The following DOK6 variants were observed in gnomAD, a reference collection of about 807,000 sequenced individuals.
DOK6 encodes the protein downstream of tyrosine kinase 6.
A neutral mutation model predicts 44.0 loss-of-function variants in DOK6; 22 were observed. The observed-to-expected ratio is 0.50, with a 90% CI of 0.36 to 0.71. The LOEUF is 0.71. Among genes scored for constraint, DOK6 ranks in the 30% least tolerant of loss-of-function variants. The pLI is 0.00. For missense variants in DOK6, 340 were observed against 416.4 expected (o/e 0.82, Z 1.60); for synonymous variants, 166 against 145.5 (o/e 1.14, Z -1.01).
At chr18:69,593,537 C>T (rs990656349) in intron 2 of DOK6, among the ~76,000 whole-genome samples, 2 of 152,236 alleles carry the variant, frequency 1.3e-5, no homozygotes, top group Admixed American at 6.5e-5. Flanking sequence ...ACTACTGTAA[C>T]AATGTGGGCT....
rs76711585 is a variant in DOK6, at chr18:69,629,127, G to A, written c.289+29629G>A. Among the ~76,000 whole-genome samples the A allele has an allele frequency of 2.1e-4, 32 of 152,304 alleles. No individual in the cohort carries two copies. The East Asian group carries it at 3.9e-3, about 18-fold the overall frequency. ...GGGGGTTTGCCAGTTTGAGGATCAC[G>A]GTTGCTGCCAAATTAACCTGGCAGC... is the stretch of plus-strand genomic sequence containing the variant. On this transcript the variant is annotated intron_variant, in intron 3 of 7. Coordinates refer to ENST00000382713, the MANE Select transcript of DOK6 (RefSeq NM_152721.6).
chr18:69,535,426 A>G (rs1353196340), intron 1 of DOK6, among the ~76,000 whole-genome samples: 1 of 151,954 alleles, frequency 6.6e-6, no homozygotes, highest in Non-Finnish European at 1.5e-5. Context: ...AATAATTTTC[A>G]AGGGATTCAC....
chr18:69,521,396 G>GT (rs1359215815), intron 1 of DOK6, among the ~76,000 whole-genome samples: 1 of 150,322 alleles, frequency 6.7e-6, no homozygotes. Flanking sequence ...TAACCAAAGT[G>GT]TTTTTTTAGG....
chr18:69,435,991 A>G (rs1027383046), intron 1 of DOK6, among the ~76,000 whole-genome samples: 1 of 151,916 alleles, frequency 6.6e-6, no homozygotes, highest in Non-Finnish European at 1.5e-5. Context: ...TTTTCTTTCT[A>G]ATTTTTGTGT....
At chr18:69,838,237 T>TAAAAAAAAAAAA (rs541410720) in intron 7 of DOK6, among the ~76,000 whole-genome samples, 1 of 140,788 alleles carries the variant, frequency 7.1e-6, no homozygotes, top group Non-Finnish European at 1.6e-5. Flanking sequence ...TCTAAAACTT[T>TAAAAAAAAAAAA]AAAAAAAAAA....
intron 1 of DOK6, among the ~76,000 whole-genome samples, chr18:69,562,613 C>A (rs940250528): frequency 6.6e-6 from 1 of 152,158 alleles, no homozygotes; most frequent in African/African-American, 2.4e-5. Flanking sequence ...AAAGCTGAAA[C>A]TGGATCCCTT....
chr18:69,436,091 A>C (rs1978968610), intron 1 of DOK6, among the ~76,000 whole-genome samples: 1 of 151,770 alleles, frequency 6.6e-6, no homozygotes, highest in Admixed American at 6.6e-5. Flanking sequence ...CCTTAGTTCT[A>C]TATTAAAATC....
intron 1 of DOK6, among the ~76,000 whole-genome samples, chr18:69,410,437 T>C (rs1295624501): frequency 1.3e-5 from 2 of 152,250 alleles, no homozygotes; most frequent in East Asian, 3.8e-4. Context: ...TGTAACATGC[T>C]AGACTCCTCT....
At chr18:69,518,842 T>C (rs902677019) in intron 1 of DOK6, among the ~76,000 whole-genome samples, 2 of 152,092 alleles carry the variant, frequency 1.3e-5, no homozygotes, top group African/African-American at 2.4e-5. Context: ...AAATTATGTA[T>C]TGACGTTTCA....
At chr18:69,409,960 C>T (rs1301077681) in intron 1 of DOK6, among the ~76,000 whole-genome samples, 2 of 152,130 alleles carry the variant, frequency 1.3e-5, no homozygotes, top group Admixed American at 1.3e-4. Flanking sequence ...GCATCCATGT[C>T]ATTTTACTCT....
chr18:69,750,755 T>C (rs752724166), intron 6 of DOK6, among the ~76,000 whole-genome samples: 1 of 152,194 alleles, frequency 6.6e-6, no homozygotes, highest in Non-Finnish European at 1.5e-5. Flanking sequence ...TTTGAATCAG[T>C]GTCAAAGAGA....
chr18:69,771,910 T>C (rs2144766440), intron 7 of DOK6, among the ~76,000 whole-genome samples: 1 of 149,730 alleles, frequency 6.7e-6, no homozygotes, highest in Non-Finnish European at 1.5e-5. Context: ...ATCAAAATGA[T>C]GACAAAGATA....
chr18:69,533,129 C>T (rs529342551), intron 1 of DOK6, among the ~76,000 whole-genome samples: 1 of 152,096 alleles, frequency 6.6e-6, no homozygotes, highest in African/African-American at 2.4e-5. Flanking sequence ...ACATCCTTTG[C>T]ACCTCCAGAA....
chr18:69,756,474 G>C (rs931469115), intron 6 of DOK6, among the ~76,000 whole-genome samples: 1 of 152,216 alleles, frequency 6.6e-6, no homozygotes, highest in Non-Finnish European at 1.5e-5. Flanking sequence ...TAAATAGACT[G>C]AGTATGGCAC....
chr18:69,791,181 C>A (rs534223368), intron 7 of DOK6, among the ~76,000 whole-genome samples: 1 of 152,272 alleles, frequency 6.6e-6, no homozygotes, highest in African/African-American at 2.4e-5. Context: ...GCTTCTAAAT[C>A]TGGGTTATTG....
At chr18:69,609,487 AAATAAAT>A (rs771346773) in intron 3 of DOK6, among the ~76,000 whole-genome samples, 5,543 of 134,480 alleles carry the variant, frequency 0.041, 369 homozygotes, top group African/African-American at 0.14. Context: ...CTATTACAAG[AAATAAAT>A]AAATAAATAA....
intron 1 of DOK6, among the ~76,000 whole-genome samples, chr18:69,447,579 C>A (rs1457346739): frequency 1.3e-5 from 2 of 152,122 alleles, no homozygotes; most frequent in African/African-American, 2.4e-5. Context: ...TCTCTCTATT[C>A]TTTATTTCAT....
chr18:69,584,094 T>C (rs12961739), intron 2 of DOK6, among the ~76,000 whole-genome samples: 10 of 110,974 alleles, frequency 9.0e-5, no homozygotes, highest in South Asian at 3.2e-4. Flanking sequence ...GGCAACACAG[T>C]GAGACTCCGT....
chr18:69,598,359 C>G (rs1257001576), intron 2 of DOK6, among the ~76,000 whole-genome samples: 1 of 151,472 alleles, frequency 6.6e-6, no homozygotes, highest in African/African-American at 2.4e-5. Context: ...CTAGTTATAT[C>G]CTGTAAAAAT....
Sources: allele counts gnomAD v4.1 joint callset (sites outside exome capture counted in the v4.1 genomes callset), GRCh38; gene constraint gnomAD v4.1.1; transcripts MANE v1.5; gene names NCBI Gene and HGNC (gene_info 2026-07-23, HGNC 2026-07-21).